The following TPM4 variants were observed in gnomAD, a reference collection of about 807,000 sequenced individuals.
TPM4 encodes tropomyosin alpha-4 chain.
In TPM4, 17 loss-of-function variants were observed where a neutral mutation model predicts 35.8. The observed-to-expected ratio is 0.47, with a 90% CI of 0.32 to 0.71. The LOEUF (loss-of-function observed/expected upper bound fraction) is 0.71. Among genes scored for constraint, TPM4 ranks in the 30% least tolerant of loss-of-function variants. TPM4 has a pLI of 0.03. For missense variants in TPM4, 240 were observed against 320.9 expected, an observed-to-expected ratio of 0.75 and a Z score of 1.93; for synonymous variants, 120 against 122.9, an observed-to-expected ratio of 0.98 and a Z score of 0.15.
intron 3 of TPM4, among the ~76,000 whole-genome samples, chr19:16,087,359 C>G (rs1396951026): frequency 1.3e-5 from 2 of 152,090 alleles, no homozygotes; most frequent in Non-Finnish European, 2.9e-5. Flanking sequence ...GGCAGATCAC[C>G]TGAGGTCAGG....
intron 2 of TPM4, among the ~76,000 whole-genome samples, chr19:16,068,749 A>G (rs1013815642): frequency 6.6e-6 from 1 of 151,670 alleles, no homozygotes; most frequent in Non-Finnish European, 1.5e-5. Context: ...GTGTGAGAGC[A>G]GTTCTGTGTG....
intron 5 of TPM4, among the ~76,000 whole-genome samples, chr19:16,091,208 C>T (rs924200248): frequency 1.3e-5 from 2 of 151,984 alleles, no homozygotes; most frequent in East Asian, 1.9e-4. Context: ...GCACACACCA[C>T]GCCCAGCTAA....
In TPM4 at chr19:16,081,952, C is replaced by A. The variant is rs1336814464; in HGVS notation, c.172C>A (p.Leu58Ile). The change falls in exon 2 of 8, where the codon CTC (leucine) becomes ATC (isoleucine). Residue 58 changes from leucine (L) to isoleucine (I), a missense_variant. Transcript: ENST00000643579. Reference protein sequence around the residue: ...DVAALNRRIQLVEEELDRAQE... With the variant: ...DVAALNRRIQIVEEELDRAQE... ...GGCCGCCCTCAACCGACGCATCCAG[C>A]TCGTTGAGGAGGAGTTGGACAGGGC... The A allele has an allele frequency of 6.2e-7, 1 of 1,607,856 alleles. No individual in the cohort carries two copies. Among genetic ancestry groups the A allele is most frequent in the Admixed American group, 1.7e-5 (1 of 59,932 alleles).
intron 1 of TPM4, chr19:16,081,060 G>A (rs975890448): frequency 7.5e-6 from 3 of 398,508 alleles, no homozygotes; most frequent in Non-Finnish European, 1.3e-5. Context: ...AGGCTCCCCC[G>A]CCTCGTCCCA....
At chr19:16,085,828 G>A (rs543247779) in intron 2 of TPM4, among the ~76,000 whole-genome samples, 2 of 152,076 alleles carry the variant, frequency 1.3e-5, no homozygotes, top group South Asian at 2.1e-4. Flanking sequence ...CAGCACTCTG[G>A]GAGGTCAAGG....
chr19:16,072,797 C>A (rs568834613), upstream of TPM4, among the ~76,000 whole-genome samples: 1 of 151,890 alleles, frequency 6.6e-6, no homozygotes, highest in Non-Finnish European at 1.5e-5. Context: ...ATCCCAGCTA[C>A]TAGGGAGGTT....
rs111906006 is a variant in TPM4 at position 16,082,460 on chromosome 19, G to A, written c.266+414G>A. On this transcript the variant is annotated intron_variant, in intron 2 of 7. Transcript: ENST00000643579. The stretch of plus-strand genomic sequence containing the variant: ...CAGGAGGCAGAGGCTGCAGTGAGCC[G>A]AGATCGTGCCATTGCACTCCAGCCT... Among the ~76,000 whole-genome samples the A allele has an allele frequency of 9.9e-3, 1,507 of 152,258 alleles. 31 individuals are homozygous for A. The highest frequency in any genetic ancestry group is 0.034 in the African/African-American group (1,405 of 41,542).
chr19:16,076,242 G>A, upstream of TPM4: 1 of 1,545,314 alleles, frequency 6.5e-7, no homozygotes. Context: ...AAGGCGGGGA[G>A]AGCCGCAGGG....
chr19:16,083,098 C>T (rs1245467393), intron 2 of TPM4, among the ~76,000 whole-genome samples: 2 of 151,378 alleles, frequency 1.3e-5, no homozygotes, highest in Admixed American at 6.6e-5. Flanking sequence ...GGCTTTTGGA[C>T]GGTGACAGCT....
chr19:16,073,959 AACGC>A (rs2090379092), upstream of TPM4, among the ~76,000 whole-genome samples: 3 of 120,072 alleles, frequency 2.5e-5, no homozygotes, highest in Non-Finnish European at 3.4e-5. Context: ...AAAAAAAAAA[AACGC>A]AAAAAAAAAA....
At chr19:16,095,144 C>T in intron 7 of TPM4, 1 of 506,488 alleles carries the variant, frequency 2.0e-6, no homozygotes, top group Non-Finnish European at 2.6e-6. Context: ...CTAGTCTGTG[C>T]TTTGTTTGCT....
At chr19:16,093,644 G>A in intron 6 of TPM4, 40 bp from the exon 7 acceptor site, 2 of 1,614,230 alleles carry the variant, frequency 1.2e-6, no homozygotes, top group Non-Finnish European at 1.7e-6. Context: ...CCTGGGGCTG[G>A]TCTTGAAGCC....
intron 1 of TPM4, chr19:16,078,030 C>T (rs1347022370): frequency 1.8e-5 from 7 of 396,336 alleles, no homozygotes; most frequent in Non-Finnish European, 4.4e-6. Flanking sequence ...ACCTTGGCCT[C>T]CCAAAGTTCT....
At chr19:16,088,563 C>A in intron 4 of TPM4, 2 of 1,039,152 alleles carry the variant, frequency 1.9e-6, no homozygotes, top group South Asian at 3.5e-5. Context: ...AAACAAAACA[C>A]CTGTCCTCTT....
chr19:16,098,294 T>C (rs925450649), intron 7 of TPM4, among the ~76,000 whole-genome samples: 8 of 151,786 alleles, frequency 5.3e-5, no homozygotes, highest in Admixed American at 3.3e-4. Flanking sequence ...AATGCAAAAA[T>C]TAGCCGGGCA....
At chr19:16,079,292 TTTTG>T (rs1417736971) in intron 1 of TPM4, among the ~76,000 whole-genome samples, 10 of 152,300 alleles carry the variant, frequency 6.6e-5, no homozygotes, top group Admixed American at 4.6e-4. Flanking sequence ...GTACACAGTT[TTTTG>T]TTTGTTTGTT....
intron 4 of TPM4, chr19:16,088,387 G>A: frequency 8.7e-6 from 11 of 1,260,230 alleles, no homozygotes; most frequent in Non-Finnish European, 1.1e-5. Context: ...TCCCAGAGAG[G>A]ATATCTCAGG....
intron 2 of TPM4, among the ~76,000 whole-genome samples, chr19:16,084,477 TCA>T (rs2090523894): frequency 6.6e-6 from 1 of 152,216 alleles, no homozygotes; most frequent in South Asian, 2.1e-4. Flanking sequence ...TAGCTGCTGT[TCA>T]CAGTCAGACC....
chr19:16,079,731 GCT>G, intron 1 of TPM4: 1 of 182,428 alleles, frequency 5.5e-6, no homozygotes, highest in East Asian at 8.9e-5. Context: ...ACGGAATCTT[GCT>G]CTGTTACCCA....
Sources: allele counts gnomAD v4.1 joint callset (sites outside exome capture counted in the v4.1 genomes callset), GRCh38; gene constraint gnomAD v4.1.1; transcripts MANE v1.5; gene names NCBI Gene and HGNC (gene_info 2026-07-23, HGNC 2026-07-21).